PLCB2: variants seen among roughly 807,000 people sequenced by gnomAD.
The protein encoded by PLCB2 is phospholipase C beta 2.
A neutral mutation model predicts 141.7 loss-of-function variants in PLCB2; 115 were observed. The observed-to-expected ratio is 0.81, with a 90% CI of 0.70 to 0.95. The LOEUF is 0.95. Ranked by LOEUF, PLCB2 falls within the 40% of genes least tolerant of loss-of-function variation. The pLI is 0.00. For missense variants in PLCB2, 1,403 were observed against 1,541.1 expected, an observed-to-expected ratio of 0.91 and a Z score of 1.50; for synonymous variants, 603 against 595.6, an observed-to-expected ratio of 1.01 and a Z score of -0.18.
chr15:40,296,689 C>T, intron 14 of PLCB2, 55 bp from the exon 15 acceptor site: 2 of 1,610,476 alleles, frequency 1.2e-6, no homozygotes, highest in Non-Finnish European at 1.7e-6. Context: ...CCAGGTCCAG[C>T]CCCTCTCCTG....
In PLCB2 at chr15:40,295,017, G is replaced by T; in HGVS notation, c.1825C>A (p.Arg609Ser). 1 of 1,613,968 alleles carries T rather than the reference G, an allele frequency of 6.2e-7. No homozygotes were observed. The stretch of plus-strand genomic sequence containing the variant: ...GGCATGTAGTTGGAGGAGTCCATGC[G>T]GGTTCCCTTGGGGTAAATGCGGCTC... ...QMSRIYPKGT[R>S]MDSSNYMPQM... The change falls in exon 18 of 32, where the codon CGC (arginine) becomes AGC (serine). Residue 609 changes from arginine to serine, a missense_variant. Physicochemically the swap from Arg to Ser is moderately radical, Grantham distance 110. Around this residue, in one of 4 missense-constraint regions of PLCB2, gnomAD observed 975 missense variants for 1,141.1 expected, o/e 0.85. Coordinates refer to ENST00000260402, the MANE Select transcript of PLCB2 (RefSeq NM_004573.3).
intron 3 of PLCB2, among the ~76,000 whole-genome samples, 173 bp from the exon 4 acceptor site, chr15:40,302,782 G>A (rs1595680254): frequency 6.6e-6 from 1 of 152,346 alleles, no homozygotes; most frequent in South Asian, 2.1e-4. Flanking sequence ...CAGCGGCTGG[G>A]ATGGGAAGGA....
chr15:40,296,599 C>T lies in PLCB2; in HGVS notation c.1522G>A (p.Glu508Lys). ...TCCTCCTCTTCCTCTTCCACCTCCT[C>T]CTCCTCCAGCTCAGTCCCTTCCTCG... ...AGEEGTELEE[E>K]EVEEEEEEES... is the part of the protein sequence containing the mutation. Residue 508 changes from glutamate (E) to lysine (K), a missense_variant, in exon 15 of 32, where the codon GAG becomes AAG. Around this residue, in one of 4 missense-constraint regions of PLCB2, gnomAD observed 975 missense variants for 1,141.1 expected, o/e 0.85. Transcript: ENST00000260402. 6.2e-7 allele frequency: 1 copy of T among 1,613,524 alleles called. No individual in the cohort carries two copies. Among genetic ancestry groups the T allele is most frequent in the Middle Eastern group, 1.7e-4 (1 of 6,060 alleles).
At chr15:40,285,909 C>A (rs552873272), downstream of PLCB2, 1 of 985,330 alleles carries the variant, frequency 1.0e-6, no homozygotes, top group Non-Finnish European at 1.2e-6. Flanking sequence ...TCCTGTTCCT[C>A]CGTGGTGGAT....
chr15:40,298,837 T>G lies in PLCB2; in HGVS notation c.811A>C (p.Ile271Leu), dbSNP rs760891228. The G allele has an allele frequency of 1.2e-6, 2 of 1,613,704 alleles. No individual in the cohort carries two copies. The highest frequency in any genetic ancestry group is 2.7e-5 in the African/African-American group (2 of 74,940). ...ATGCCACTGGGCTCATACTTGTCGA[T>G]GAGGCCCTGCACCTGGTCAGGCCGT... ...PARPDQVQGLIDKYEPSGINA... is the reference protein window; with the variant it reads ...PARPDQVQGLLDKYEPSGINA... The change falls in exon 9 of 32, where the codon ATC becomes CTC. Residue 271 changes from isoleucine to leucine, a missense_variant. Physicochemically the swap from Ile to Leu is conservative, Grantham distance 5 (BLOSUM62 2). Transcript: ENST00000260402.
At chr15:40,293,438 A>G in intron 20 of PLCB2, 122 bp downstream of exon 20, 2 of 964,344 alleles carry the variant, frequency 2.1e-6, no homozygotes, top group East Asian at 4.8e-5. Flanking sequence ...AGGAGGGCCC[A>G]GGGTGAGGGA....
At chr15:40,303,778 A>G in intron 2 of PLCB2, 1 of 536,086 alleles carries the variant, frequency 1.9e-6, no homozygotes, top group Non-Finnish European at 3.4e-6. Flanking sequence ...TCTCTCCCCA[A>G]GGGATGCTAA....
chr15:40,295,002 T>G lies in PLCB2; in HGVS notation c.1840A>C (p.Asn614His). Residue 614 changes from asparagine (N) to histidine (H), a missense_variant, in exon 18 of 32, where the codon AAC (asparagine) becomes CAC (histidine). By Grantham distance (68) the Asn-to-His change is moderately conservative. This residue lies in a region of PLCB2 where 975 missense variants were observed against 1,141.1 expected (regional missense o/e 0.85). Coordinates refer to ENST00000260402, the MANE Select transcript of PLCB2 (RefSeq NM_004573.3). Reference sequence around the variant, plus strand: ...TTCCAGAACATCTGGGGCATGTAGTTGGAGGAGTCCATGCGGGTTCCCTTG... The same window carrying G: ...TTCCAGAACATCTGGGGCATGTAGTGGGAGGAGTCCATGCGGGTTCCCTTG... ...YPKGTRMDSS[N>H]YMPQMFWNAG... The G allele has an allele frequency of 6.2e-7, 1 of 1,614,092 alleles. No individual in the cohort carries two copies. The highest frequency in any genetic ancestry group is 8.5e-7 in the Non-Finnish European group (1 of 1,179,968).
chr15:40,294,561 G>T, intron 18 of PLCB2, 141 bp from the exon 19 acceptor site: 1 of 831,190 alleles, frequency 1.2e-6, no homozygotes. Flanking sequence ...TCCTGTCCCA[G>T]TCTGGTTCCT....
rs2040049967 is a variant in PLCB2, at chr15:40,293,699, T to C, written c.2087A>G (p.Glu696Gly). The C allele has an allele frequency of 6.2e-7, 1 of 1,613,660 alleles. No individual in the cohort carries two copies. Residue 696 changes from glutamate to glycine, a missense_variant, in exon 20 of 32, where the codon GAA becomes GGA. By Grantham distance (98) the Glu-to-Gly change is moderately conservative (BLOSUM62 -2). This residue lies in a region of PLCB2 where 975 missense variants were observed against 1,141.1 expected (regional missense o/e 0.85). Transcript: ENST00000260402. ...ITVISGQFLSERSVRTYVEVE... is the reference protein window; with the variant it reads ...ITVISGQFLSGRSVRTYVEVE... ...TTCTACATAGGTGCGCACGCTGCGT[T>C]CTGACAGGAACTGCCCAGAGATCAC...
At position 40,290,874 on chromosome 15, in the gene PLCB2, T is replaced by G. The variant is rs757399500; in HGVS notation, c.3037-37A>C. The G allele has an allele frequency of 3.8e-6, 6 of 1,577,310 alleles. No homozygotes were observed. The African/African-American group carries it at 4.1e-5, about 11-fold the overall frequency. ...GGAAGTAAGCTTGGCGAGAAGCCCT[T>G]TGTTGTTCAGAGGGAGTACGGGGGG... On this transcript the variant is annotated intron_variant, in intron 27 of 31. Coordinates refer to ENST00000260402, the MANE Select transcript of PLCB2 (RefSeq NM_004573.3).
intron 30 of PLCB2, 53 bp from the exon 31 acceptor site, chr15:40,289,411 G>T: frequency 7.5e-7 from 1 of 1,336,684 alleles, no homozygotes; most frequent in Non-Finnish European, 1.1e-6. Flanking sequence ...GGCAAGCTGG[G>T]TCAGAATCCA....
intron 7 of PLCB2, among the ~76,000 whole-genome samples, chr15:40,299,563 C>T (rs1408652916): frequency 6.6e-6 from 1 of 151,986 alleles, no homozygotes; most frequent in African/African-American, 2.4e-5. Context: ...AAGTGGAGGA[C>T]AAATATTCAA....
At chr15:40,285,699 T>C (rs2039600680), downstream of PLCB2, 5 of 985,290 alleles carry the variant, frequency 5.1e-6, no homozygotes, top group South Asian at 9.4e-5. Flanking sequence ...TTCAGCACTG[T>C]GAGGGAAATT....
intron 17 of PLCB2, 53 bp downstream of exon 17, chr15:40,295,148 C>T: frequency 6.2e-7 from 1 of 1,610,692 alleles, no homozygotes; most frequent in Non-Finnish European, 8.5e-7. Flanking sequence ...CCAGGCCCTC[C>T]TCTGGCTCCC....
rs58167971 is a variant in PLCB2, at chr15:40,289,927, A to AAGAGAGAGAG, written c.3267+88_3267+97dup. ...CTGGGGCCACCCCTTCCTACTTGTG[A>AAGAGAGAGAG]AGAGAGAGAGAGAGAGAGAGAGAGA... is the stretch of plus-strand genomic sequence containing the variant. On this transcript the variant is annotated intron_variant, in intron 30 of 31. Coordinates refer to ENST00000260402, the MANE Select transcript of PLCB2 (RefSeq NM_004573.3). 16 of 544,356 alleles carry AAGAGAGAGAG rather than the reference A, an allele frequency of 2.9e-5. No individual in the cohort carries two copies. In the African/African-American group the frequency reaches 3.7e-4, roughly 13 times the overall value. The allele number at this position is 544,356 out of a possible 1,614,324, so 33.7% of individuals were successfully genotyped here. A position where few individuals can be genotyped will look rare whatever the true frequency, so the allele number is the denominator to read the frequency against.
In PLCB2 at chr15:40,291,625, C is replaced by T. The variant is rs2039934329; in HGVS notation, c.2628G>A (p.Glu876=). Reference sequence around the variant, plus strand: ...CCTTACCCGCAGCTTCTTTCATAGCCTCTTCCCTGGCCCCGGCCCTGGCTG... The same window carrying T: ...CCTTACCCGCAGCTTCTTTCATAGCTTCTTCCCTGGCCCCGGCCCTGGCTG... ...SPAARAGARE[E]AMKEAAEPRT... is the part of the protein sequence containing the mutation. Residue 876 remains glutamate, a synonymous_variant, in exon 25 of 32, where the codon GAG becomes GAA. Coordinates refer to ENST00000260402, the MANE Select transcript of PLCB2 (RefSeq NM_004573.3). The T allele has an allele frequency of 1.2e-6, 2 of 1,613,356 alleles. No homozygotes were observed. Among genetic ancestry groups the T allele is most frequent in the South Asian group, 2.2e-5 (2 of 91,066 alleles).
chr15:40,298,712 G>A lies in PLCB2; in HGVS notation c.851-4C>T. 6.2e-7 allele frequency: 1 copy of A among 1,613,920 alleles called. No homozygotes were observed. Among genetic ancestry groups the A allele is most frequent in the Non-Finnish European group, 8.5e-7 (1 of 1,179,830 alleles). ...ATGCCTTCAGGTGACAGCTGGCCTG[G>A]GGGACAGGAGATAGCTGTCAGGCTA... is the stretch of plus-strand genomic sequence containing the variant. On this transcript the variant is annotated splice_polypyrimidine_tract_variant and splice_region_variant and intron_variant, in intron 9 of 31. Transcript: ENST00000260402.
At chr15:40,307,242 C>T (rs941386639) in intron 1 of PLCB2, among the ~76,000 whole-genome samples, 1 of 152,126 alleles carries the variant, frequency 6.6e-6, no homozygotes, top group Non-Finnish European at 1.5e-5. Context: ...CGGGGACGAG[C>T]TCACCTCTCC....
Sources: gnomAD v4.1 joint callset for allele counts (sites outside exome capture counted in the v4.1 genomes callset) on GRCh38, gnomAD v4.1.1 for gene constraint, gnomAD v4.1.1 regional missense constraint, MANE v1.5 for transcripts, NCBI Gene and HGNC (gene_info 2026-07-23, HGNC 2026-07-21) for gene names.